Variants in PPP1R15B observed in about 807,000 individuals in gnomAD.
PPP1R15B encodes the protein protein phosphatase 1 regulatory subunit 15B, also known as protein phosphatase 1, regulatory (inhibitor) subunit 15B.
Under a neutral mutation model 53.9 loss-of-function variants are expected in PPP1R15B, and 31 were observed. The observed-to-expected ratio is 0.58, with a 90% CI of 0.43 to 0.78. The LOEUF (loss-of-function observed/expected upper bound fraction) is 0.78. PPP1R15B is among the 30% of genes least tolerant of loss of function. The probability of loss-of-function intolerance (pLI) is 0.00; values close to 1 mark genes in which losing one functional copy is unlikely to be tolerated. For synonymous variants in PPP1R15B, 345 were observed against 329.1 expected, an observed-to-expected ratio of 1.05 and a Z score of -0.52; for missense variants, 928 against 849.6, an observed-to-expected ratio of 1.09 and a Z score of -1.15.
At chr1:204,402,682 G>GA (rs1558213906), downstream of PPP1R15B, among the ~76,000 whole-genome samples, 1 of 151,744 alleles carries the variant, frequency 6.6e-6, no homozygotes, top group Non-Finnish European at 1.5e-5. Context: ...TCAGCCTCCC[G>GA]AAGTGCTGGA....
chr1:204,397,663 T>C (rs1674114883), downstream of PPP1R15B, among the ~76,000 whole-genome samples: 1 of 152,242 alleles, frequency 6.6e-6, no homozygotes, highest in Admixed American at 6.5e-5. Context: ...TTGTAGACAG[T>C]AAACATATAC....
downstream of PPP1R15B, chr1:204,400,786 G>A (rs998228177): frequency 1.1e-6 from 1 of 930,598 alleles, no homozygotes; most frequent in African/African-American, 1.8e-5. Flanking sequence ...TTCTTGGTAG[G>A]GATCTATAAA....
Position 204,409,684 on chromosome 1 carries a change from T to C in PPP1R15B, c.1728A>G (p.Gln576=). 5.0e-6 allele frequency: 8 copies of C among 1,614,062 alleles called. No individual in the cohort carries two copies. Among genetic ancestry groups the C allele is most frequent in the Non-Finnish European group, 6.8e-6 (8 of 1,180,002 alleles). Residue 576 remains glutamine (Q), a synonymous_variant, in exon 1 of 2, where the codon CAA becomes CAG. Transcript: ENST00000367188. ...YNPLNFKAPF[Q]TSGENEKGCR... is the part of the protein sequence containing the mutation. ...AGCCTTTCTCATTTTCCCCTGATGT[T>C]TGAAAAGGAGCCTTAAAATTTAAAG...
chr1:204,406,735 A>C (rs946906370), intron 1 of PPP1R15B, among the ~76,000 whole-genome samples: 2 of 138,134 alleles, frequency 1.4e-5, no homozygotes, highest in Admixed American at 1.6e-4. Flanking sequence ...CTGTGCAACA[A>C]GAGCAAAACT....
chr1:204,399,359 G>A (rs1419054946), downstream of PPP1R15B, among the ~76,000 whole-genome samples: 1 of 152,106 alleles, frequency 6.6e-6, no homozygotes, highest in Non-Finnish European at 1.5e-5. Context: ...CCAAGAGTTC[G>A]AGACCAGCCT....
At chr1:204,397,109 G>T (rs1674108988), downstream of PPP1R15B, among the ~76,000 whole-genome samples, 1 of 152,064 alleles carries the variant, frequency 6.6e-6, no homozygotes, top group South Asian at 2.1e-4. Flanking sequence ...GATTGCCTGA[G>T]CCCAGGAGGT....
At chr1:204,408,239 A>AG (rs1326703941) in intron 1 of PPP1R15B, among the ~76,000 whole-genome samples, 1 of 152,236 alleles carries the variant, frequency 6.6e-6, no homozygotes, top group African/African-American at 2.4e-5. Context: ...TAGAGAACAC[A>AG]GGGCTCCAGC....
At chr1:204,397,681 G>A (rs1383964906), downstream of PPP1R15B, among the ~76,000 whole-genome samples, 2 of 151,974 alleles carry the variant, frequency 1.3e-5, no homozygotes, top group Admixed American at 1.3e-4. Flanking sequence ...TACAATTTTT[G>A]TCAATTTAAA....
Position 204,411,709 on chromosome 1 carries a change from G to A in PPP1R15B, c.-298C>T. The A allele has an allele frequency of 2.1e-6, 1 of 479,726 alleles. No individual in the cohort carries two copies. The highest frequency in any genetic ancestry group is 2.6e-5 in the South Asian group (1 of 38,350). The allele number at this position is 479,726 out of a possible 1,614,324, so 29.7% of individuals were successfully genotyped here. On this transcript the variant is annotated 5_prime_UTR_variant, in exon 1 of 2. Transcript: ENST00000367188. ...ACACCATGGATAGGAGTCCCCCCAC[G>A]GCCTCGGCGATGGTTTTCCGACTGA... is the stretch of plus-strand genomic sequence containing the variant.
chr1:204,403,654 C>T lies in PPP1R15B; in HGVS notation c.*2438G>A. The T allele has an allele frequency of 1.0e-6, 1 of 985,020 alleles. No homozygotes were observed. Among genetic ancestry groups the T allele is most frequent in the Non-Finnish European group, 1.2e-6 (1 of 829,158 alleles). The allele number at this position is 985,020 out of a possible 1,614,324, so 61.0% of individuals were successfully genotyped here. A position where few individuals can be genotyped will look rare whatever the true frequency, so the allele number is the denominator to read the frequency against. On this transcript the variant is annotated 3_prime_UTR_variant, in exon 2 of 2. Coordinates refer to ENST00000367188, the MANE Select transcript of PPP1R15B (RefSeq NM_032833.5). Reference sequence around the variant, plus strand: ...TTACCTGTCTGTACAAAGCCTTTTACATGCTACATTGACACTTAAAGCACC... The same window carrying T: ...TTACCTGTCTGTACAAAGCCTTTTATATGCTACATTGACACTTAAAGCACC...
Position 204,409,651 on chromosome 1 carries a change from G to C in PPP1R15B, c.1761C>G (p.Asp587Glu). ...CAATGGACTCAGATGGGGTCTTTGAGTCACGACAGCCTTTCTCATTTTCCC... is the reference window on the plus strand; with the variant it reads ...CAATGGACTCAGATGGGGTCTTTGACTCACGACAGCCTTTCTCATTTTCCC... Reference protein sequence around the residue: ...TSGENEKGCRDSKTPSESIVA... With the variant: ...TSGENEKGCRESKTPSESIVA... The change falls in exon 1 of 2, where the codon GAC (aspartate) becomes GAG (glutamate). Residue 587 changes from aspartate (D) to glutamate (E), a missense_variant. By Grantham distance (45) the Asp-to-Glu change is conservative (BLOSUM62 2). Transcript: ENST00000367188. The C allele has an allele frequency of 6.2e-7, 1 of 1,614,100 alleles. No homozygotes were observed. Among genetic ancestry groups the C allele is most frequent in the Non-Finnish European group, 8.5e-7 (1 of 1,180,010 alleles).
intron 1 of PPP1R15B, among the ~76,000 whole-genome samples, chr1:204,407,109 A>C (rs1229600727): frequency 6.6e-6 from 1 of 152,174 alleles, no homozygotes; most frequent in Admixed American, 6.5e-5. Context: ...TCACTGCATA[A>C]AGGCTTTAAC....
At position 204,405,278 on chromosome 1, in the gene PPP1R15B, A is replaced by G. The variant is rs940272218; in HGVS notation, c.*814T>C. ...TTATTACTTTCCAGAGTGTTTTGCA[A>G]TAACTTCAACCTGTTAAGAGATACA... On this transcript the variant is annotated 3_prime_UTR_variant, in exon 2 of 2. Coordinates refer to ENST00000367188, the MANE Select transcript of PPP1R15B (RefSeq NM_032833.5). 2.7e-5 allele frequency: 26 copies of G among 979,108 alleles called. No individual in the cohort carries two copies. Among genetic ancestry groups the G allele is most frequent in the Non-Finnish European group, 3.2e-5 (26 of 823,954 alleles). 60.7% of individuals were successfully genotyped at this position (979,108 alleles called of 1,614,324 possible). A position where few individuals can be genotyped will look rare whatever the true frequency, so the allele number is the denominator to read the frequency against.
At position 204,403,514 on chromosome 1, in the gene PPP1R15B, T is replaced by G. The variant is rs1674213728; in HGVS notation, c.*2578A>C. The G allele has an allele frequency of 1.0e-6, 1 of 953,178 alleles. No homozygotes were observed. The highest frequency in any genetic ancestry group is 6.2e-5 in the Admixed American group (1 of 16,222). 59.0% of individuals were successfully genotyped at this position (953,178 alleles called of 1,614,324 possible). ...TTGATCTGTAGAAGCCAATTTAGAG[T>G]CTTCTAGTCCCCTAACTTTACCTTC... On this transcript the variant is annotated 3_prime_UTR_variant, in exon 2 of 2. Transcript: ENST00000367188.
chr1:204,411,734 A>C lies in PPP1R15B; in HGVS notation c.-323T>G, dbSNP rs758991763. 4.7e-6 allele frequency: 2 copies of C among 421,642 alleles called. No individual in the cohort carries two copies. Among genetic ancestry groups the C allele is most frequent in the Admixed American group, 4.2e-5 (1 of 24,086 alleles). The allele number at this position is 421,642 out of a possible 1,614,324, so 26.1% of individuals were successfully genotyped here. On this transcript the variant is annotated 5_prime_UTR_variant, in exon 1 of 2. Transcript: ENST00000367188. ...GGCCTCGGCGATGGTTTTCCGACTG[A>C]CAGAGGGTTGAAAAGCCCCTGAGCA... is the stretch of plus-strand genomic sequence containing the variant.
downstream of PPP1R15B, among the ~76,000 whole-genome samples, chr1:204,397,216 A>T (rs925868342): frequency 6.6e-6 from 1 of 150,900 alleles, no homozygotes; most frequent in African/African-American, 2.4e-5. Flanking sequence ...ATAAATAATA[A>T]AATAAAATAA....
chr1:204,409,512 T>C lies in PPP1R15B; in HGVS notation c.1900A>G (p.Thr634Ala). Residue 634 changes from threonine (T) to alanine (A), a missense_variant, in exon 1 of 2, where the codon ACA (threonine) becomes GCA (alanine). Transcript: ENST00000367188. The stretch of plus-strand genomic sequence containing the variant: ...CAAACCTTTTTTCTTTTGACATGTG[T>C]GTGTCTTCCTCCAGAAAGAACGTCA... ...QRDVLSGGRH[T>A]HVKRKKVTFL... The C allele has an allele frequency of 6.2e-7, 1 of 1,612,002 alleles. No homozygotes were observed. Among genetic ancestry groups the C allele is most frequent in the Non-Finnish European group, 8.5e-7 (1 of 1,178,962 alleles).
Position 204,411,164 on chromosome 1 carries a change from A to G in PPP1R15B, c.248T>C (p.Ile83Thr). ...CATTCCACCGAAAAGTTGGCTCCAA[A>G]TTAGCACCTTCTGAAGCAATCCGGG... is the stretch of plus-strand genomic sequence containing the variant. ...PLPGLLQKVL[I>T]WSQLFGGMFP... is the part of the protein sequence containing the mutation. Residue 83 changes from isoleucine to threonine, a missense_variant, in exon 1 of 2, where the codon ATT becomes ACT. Transcript: ENST00000367188. 1.2e-6 allele frequency: 2 copies of G among 1,614,238 alleles called. No individual in the cohort carries two copies. Among genetic ancestry groups the G allele is most frequent in the Non-Finnish European group, 1.7e-6 (2 of 1,180,044 alleles).
At chr1:204,402,604 A>G (rs1304805409), downstream of PPP1R15B, among the ~76,000 whole-genome samples, 1 of 151,078 alleles carries the variant, frequency 6.6e-6, no homozygotes, top group African/African-American at 2.4e-5. Context: ...TTTTTTTTGT[A>G]GAGGAAAGTG....
Sources: allele counts gnomAD v4.1 joint callset (sites outside exome capture counted in the v4.1 genomes callset), GRCh38; gene constraint gnomAD v4.1.1; transcripts MANE v1.5; gene names NCBI Gene and HGNC (gene_info 2026-07-23, HGNC 2026-07-21).